The following RBFOX1 variants were observed in gnomAD, a reference collection of about 807,000 sequenced individuals.
RBFOX1 encodes RNA binding fox-1 homolog 1, also known as RNA binding protein fox-1 homolog 1.
In RBFOX1, 8 loss-of-function variants were observed where a neutral mutation model predicts 57.7. That is an observed-to-expected ratio of 0.14 (90% CI 0.08 to 0.25). The LOEUF is 0.25. Among genes scored for constraint, RBFOX1 ranks in the 10% least tolerant of loss-of-function variants. The probability of loss-of-function intolerance (pLI) is 1.00; values close to 1 mark genes in which losing one functional copy is unlikely to be tolerated. For missense variants in RBFOX1, 611 were observed against 548.5 expected (o/e 1.11, Z -1.14); for synonymous variants, 326 against 222.4 (o/e 1.47, Z -4.15).
At chr16:6,781,214 G>C (rs961079746) in intron 3 of RBFOX1, among the ~76,000 whole-genome samples, 3 of 152,186 alleles carry the variant, frequency 2.0e-5, no homozygotes, top group Middle Eastern at 3.4e-3. Context: ...TCATTATGTT[G>C]ATATGATATG....
chr16:5,450,908 T>C (rs1202498607), intron 1 of RBFOX1, among the ~76,000 whole-genome samples: 1 of 152,212 alleles, frequency 6.6e-6, no homozygotes, highest in Non-Finnish European at 1.5e-5. Context: ...CTCTGTGACC[T>C]GGGCAAGCTC....
At chr16:6,307,981 A>G (rs1458137849) in intron 1 of RBFOX1, among the ~76,000 whole-genome samples, 1 of 149,308 alleles carries the variant, frequency 6.7e-6, no homozygotes, top group Non-Finnish European at 1.5e-5. Context: ...AATCATTTAT[A>G]TATTCGCTTA....
intron 3 of RBFOX1, among the ~76,000 whole-genome samples, chr16:5,785,978 C>A (rs370214962): frequency 6.6e-5 from 10 of 152,156 alleles, no homozygotes; most frequent in African/African-American, 2.4e-4. Context: ...ACCTCCTTAC[C>A]TCCTTCTCTT....
At chr16:5,635,464 G>C (rs142913567) in intron 3 of RBFOX1, among the ~76,000 whole-genome samples, 1 of 152,190 alleles carries the variant, frequency 6.6e-6, no homozygotes, top group Admixed American at 6.5e-5. Flanking sequence ...AACTAGGGCC[G>C]GGGACTGGAG....
intron 3 of RBFOX1, among the ~76,000 whole-genome samples, chr16:6,892,404 T>G (rs1467723744): frequency 6.6e-6 from 1 of 152,120 alleles, no homozygotes; most frequent in African/African-American, 2.4e-5. Flanking sequence ...GCATGGTGGC[T>G]CACACCTATA....
intron 4 of RBFOX1, among the ~76,000 whole-genome samples, chr16:7,414,173 G>C (rs971942355): frequency 1.3e-5 from 2 of 152,220 alleles, no homozygotes; most frequent in African/African-American, 4.8e-5. Context: ...TCCAACAAGT[G>C]TTTCACATAC....
At chr16:6,652,830 T>A (rs1351335381) in intron 2 of RBFOX1, among the ~76,000 whole-genome samples, 1 of 151,902 alleles carries the variant, frequency 6.6e-6, no homozygotes, top group Non-Finnish European at 1.5e-5. Context: ...AGATGGAGGG[T>A]GGTGATGGTT....
chr16:5,384,998 G>A (rs986662692), intron 1 of RBFOX1, among the ~76,000 whole-genome samples: 7 of 152,116 alleles, frequency 4.6e-5, no homozygotes, highest in African/African-American at 1.7e-4. Context: ...TTCCCCCTCA[G>A]TGTTTTGAGG....
At chr16:6,972,683 G>C (rs999186667) in intron 3 of RBFOX1, among the ~76,000 whole-genome samples, 2 of 152,146 alleles carry the variant, frequency 1.3e-5, no homozygotes, top group African/African-American at 4.8e-5. Flanking sequence ...TGAGTGGAGG[G>C]CTGGCCTTGA....
At chr16:5,493,869 CA>C (rs1272428077) in intron 2 of RBFOX1, among the ~76,000 whole-genome samples, 1 of 152,000 alleles carries the variant, frequency 6.6e-6, no homozygotes, top group Admixed American at 6.6e-5. Flanking sequence ...CAACGGTAGC[CA>C]AAATATGAAA....
At chr16:7,228,971 A>C (rs78813869) in intron 4 of RBFOX1, among the ~76,000 whole-genome samples, 45 of 152,294 alleles carry the variant, frequency 3.0e-4, no homozygotes, top group Non-Finnish European at 6.0e-4. Flanking sequence ...TGGAAGGTCA[A>C]GTGAGGGGAA....
chr16:6,806,205 T>A (rs565968269), intron 3 of RBFOX1, among the ~76,000 whole-genome samples: 1 of 152,178 alleles, frequency 6.6e-6, no homozygotes, highest in African/African-American at 2.4e-5. Context: ...ATTAGCAAAT[T>A]AATTAATTGG....
At chr16:7,129,759 C>T (rs2069691490) in intron 4 of RBFOX1, among the ~76,000 whole-genome samples, 1 of 142,926 alleles carries the variant, frequency 7.0e-6, no homozygotes, top group African/African-American at 2.6e-5. Flanking sequence ...GGAGACACGA[C>T]AACTCCTAGC....
At chr16:7,023,445 G>C (rs796737992) in intron 3 of RBFOX1, among the ~76,000 whole-genome samples, 7 of 150,520 alleles carry the variant, frequency 4.7e-5, no homozygotes, top group African/African-American at 1.7e-4. Flanking sequence ...GGATGACAGA[G>C]TGAGACTCCA....
intron 3 of RBFOX1, among the ~76,000 whole-genome samples, chr16:6,973,870 CA>C (rs2086159515): frequency 1.3e-5 from 2 of 152,036 alleles, no homozygotes; most frequent in Admixed American, 6.6e-5. Context: ...CTGTGCCTGT[CA>C]AGCTGTCATC....
At chr16:6,365,206 G>A (rs1287200735) in intron 2 of RBFOX1, among the ~76,000 whole-genome samples, 2 of 152,160 alleles carry the variant, frequency 1.3e-5, no homozygotes, top group Admixed American at 1.3e-4. Context: ...ATAGATGGAT[G>A]GGTAGATGAA....
chr16:7,545,852 G>T (rs2084319295), intron 5 of RBFOX1, among the ~76,000 whole-genome samples: 1 of 152,074 alleles, frequency 6.6e-6, no homozygotes, highest in Non-Finnish European at 1.5e-5. Context: ...CAGAGCCTCT[G>T]TCTCTGCATC....
At chr16:6,977,551 C>G (rs1389789154) in intron 3 of RBFOX1, among the ~76,000 whole-genome samples, 1 of 152,092 alleles carries the variant, frequency 6.6e-6, no homozygotes, top group Non-Finnish European at 1.5e-5. Flanking sequence ...TCGAAGACCT[C>G]TGACAATTGG....
At chr16:6,967,981 C>T (rs1014980088) in intron 3 of RBFOX1, among the ~76,000 whole-genome samples, 4 of 152,152 alleles carry the variant, frequency 2.6e-5, no homozygotes, top group African/African-American at 7.2e-5. Context: ...GTTGGCAGTT[C>T]TGCTGATGAC....
Sources: gnomAD v4.1 joint callset for allele counts (sites outside exome capture counted in the v4.1 genomes callset) on GRCh38, gnomAD v4.1.1 for gene constraint, MANE v1.5 for transcripts, NCBI Gene and HGNC (gene_info 2026-07-23, HGNC 2026-07-21) for gene names.